Variants in GRM1 observed in about 807,000 individuals in gnomAD.
GRM1 encodes glutamate metabotropic receptor 1, also known as metabotropic glutamate receptor 1.
In GRM1, 33 loss-of-function variants were observed where a neutral mutation model predicts 90.9. The ratio of observed to expected loss-of-function variants is 0.36; its 90% CI spans 0.28 to 0.49. GRM1 has a LOEUF of 0.49. Among genes scored for constraint, GRM1 ranks in the 20% least tolerant of loss-of-function variants. The pLI is 0.99. For synonymous variants in GRM1, 700 were observed against 613.2 expected (o/e 1.14, Z -2.09); for missense variants, 1,190 against 1,534.3 (o/e 0.78, Z 3.75).
intron 1 of GRM1, among the ~76,000 whole-genome samples, chr6:146,062,237 A>T (rs1332693722): frequency 6.6e-6 from 1 of 152,030 alleles, no homozygotes; most frequent in Non-Finnish European, 1.5e-5. Flanking sequence ...GCAAACTATC[A>T]CAAGAACAGA....
chr6:146,256,133 A>G (rs928701852), intron 2 of GRM1, among the ~76,000 whole-genome samples: 2 of 152,170 alleles, frequency 1.3e-5, no homozygotes, highest in Non-Finnish European at 2.9e-5. Flanking sequence ...ACTTTGGTTC[A>G]ATCTGGGATC....
intron 2 of GRM1, among the ~76,000 whole-genome samples, chr6:146,251,493 C>G (rs1781271547): frequency 6.6e-6 from 1 of 152,062 alleles, no homozygotes; most frequent in Non-Finnish European, 1.5e-5. Context: ...TATTTGTGAC[C>G]TAAAATTTAA....
intron 5 of GRM1, among the ~76,000 whole-genome samples, chr6:146,375,230 G>C (rs1044920588): frequency 4.6e-5 from 7 of 151,948 alleles, no homozygotes; most frequent in Admixed American, 2.6e-4. Context: ...GTTGTGATCA[G>C]AGAAGATCCT....
chr6:146,383,416 C>G (rs1776390608), intron 5 of GRM1, among the ~76,000 whole-genome samples: 1 of 152,094 alleles, frequency 6.6e-6, no homozygotes, highest in South Asian at 2.1e-4. Flanking sequence ...CATGATGGCT[C>G]TTACTGTACT....
At chr6:146,427,965 T>G (rs1778274304) in intron 7 of GRM1, among the ~76,000 whole-genome samples, 1 of 152,178 alleles carries the variant, frequency 6.6e-6, no homozygotes, top group Non-Finnish European at 1.5e-5. Context: ...AGAGGAGAGT[T>G]GACTGACATT....
intron 2 of GRM1, among the ~76,000 whole-genome samples, chr6:146,217,600 A>G (rs1218691520): frequency 6.6e-6 from 1 of 152,178 alleles, no homozygotes; most frequent in African/African-American, 2.4e-5. Flanking sequence ...TCAAATCAAG[A>G]GAGGAATGTA....
chr6:146,194,605 A>G (rs1779053498), intron 2 of GRM1, among the ~76,000 whole-genome samples: 1 of 152,204 alleles, frequency 6.6e-6, no homozygotes, highest in Admixed American at 6.5e-5. Flanking sequence ...TTCCCAACAC[A>G]TGCACTAACA....
chr6:146,168,206 A>C (rs936655979), intron 2 of GRM1, among the ~76,000 whole-genome samples: 6 of 151,960 alleles, frequency 3.9e-5, no homozygotes. Context: ...AGATTAATTG[A>C]ATTTTTAGCA....
chr6:146,064,782 C>A (rs1213894905), intron 1 of GRM1, among the ~76,000 whole-genome samples: 3 of 144,520 alleles, frequency 2.1e-5, no homozygotes, highest in East Asian at 4.0e-4. Flanking sequence ...CAGAGTGAGA[C>A]TCAGTCTCAA....
chr6:146,148,937 G>T (rs1777214211), intron 1 of GRM1, among the ~76,000 whole-genome samples: 1 of 152,098 alleles, frequency 6.6e-6, no homozygotes. Flanking sequence ...AGATAGAATT[G>T]CTCCTGTGAA....
chr6:146,343,206 A>G (rs181419921), intron 3 of GRM1, among the ~76,000 whole-genome samples: 2 of 152,318 alleles, frequency 1.3e-5, no homozygotes, highest in African/African-American at 2.4e-5. Context: ...AGGCCAAAAG[A>G]AAAAGCGACA....
intron 2 of GRM1, among the ~76,000 whole-genome samples, chr6:146,270,916 C>CTTTCTTT (rs1562571299): frequency 0.031 from 1,659 of 52,846 alleles, 24 homozygotes; most frequent in East Asian, 0.049. Flanking sequence ...TTTCTTTCTT[C>CTTTCTTT]CTTCCTTCCT....
At chr6:146,106,152 A>G (rs984492930) in intron 1 of GRM1, among the ~76,000 whole-genome samples, 1 of 152,210 alleles carries the variant, frequency 6.6e-6, no homozygotes, top group Non-Finnish European at 1.5e-5. Context: ...TGGGGTGGTA[A>G]CATTTATTTA....
intron 1 of GRM1, among the ~76,000 whole-genome samples, chr6:146,108,946 G>C (rs932637659): frequency 1.3e-5 from 2 of 152,124 alleles, no homozygotes; most frequent in Admixed American, 1.3e-4. Flanking sequence ...AGAGATTTAG[G>C]GTATCTGGCA....
intron 1 of GRM1, among the ~76,000 whole-genome samples, chr6:146,096,099 A>C (rs1224538380): frequency 1.3e-5 from 2 of 152,218 alleles, no homozygotes; most frequent in South Asian, 2.1e-4. Flanking sequence ...AACTATCCAG[A>C]TTCTTCCTGT....
chr6:146,436,780 C>G lies in GRM1; in HGVS notation c.*1984C>G, dbSNP rs1043933708. 1.3e-5 allele frequency: 2 copies of G among 152,482 alleles called. No homozygotes were observed. The highest frequency in any genetic ancestry group is 1.5e-5 in the Non-Finnish European group (1 of 67,986). 9.4% of individuals were successfully genotyped at this position (152,482 alleles called of 1,614,324 possible). On this transcript the variant is annotated 3_prime_UTR_variant, in exon 8 of 8. Coordinates refer to ENST00000282753, the MANE Select transcript of GRM1 (RefSeq NM_001278064.2). Reference sequence around the variant, plus strand: ...AATATCTTTGTTTATGCCTTATGTTCAGTCATATTTTAATATGCTTCCTTC... The same window carrying G: ...AATATCTTTGTTTATGCCTTATGTTGAGTCATATTTTAATATGCTTCCTTC...
intron 3 of GRM1, among the ~76,000 whole-genome samples, chr6:146,346,756 G>A (rs968723020): frequency 2.6e-5 from 4 of 152,076 alleles, no homozygotes; most frequent in East Asian, 3.8e-4. Context: ...TTCTTTGCTC[G>A]ATATGTTAAC....
chr6:146,375,144 T>C (rs564393746), intron 5 of GRM1, among the ~76,000 whole-genome samples: 25 of 152,078 alleles, frequency 1.6e-4, no homozygotes, highest in Non-Finnish European at 3.7e-4. Context: ...AGTCATTCAG[T>C]AGCATATTGT....
intron 2 of GRM1, among the ~76,000 whole-genome samples, chr6:146,281,123 T>G (rs1782550874): frequency 1.3e-5 from 2 of 152,208 alleles, no homozygotes; most frequent in Admixed American, 1.3e-4. Context: ...TTTGGAAGAA[T>G]TATTTTCTCA....
Sources: gnomAD v4.1 joint callset for allele counts (sites outside exome capture counted in the v4.1 genomes callset) on GRCh38, gnomAD v4.1.1 for gene constraint, MANE v1.5 for transcripts, NCBI Gene and HGNC (gene_info 2026-07-23, HGNC 2026-07-21) for gene names.